UPF2: variants seen among roughly 807,000 people sequenced by gnomAD.
The protein encoded by UPF2 is UPF2 regulator of nonsense mediated mRNA decay.
In UPF2, 17 loss-of-function variants were observed where a neutral mutation model predicts 141.4. The ratio of observed to expected loss-of-function variants is 0.12; its 90% CI spans 0.08 to 0.18. UPF2 has a LOEUF of 0.18. UPF2 is among the 10% of genes least tolerant of loss of function. The pLI, the probability that UPF2 is intolerant of heterozygous loss-of-function variation, is 1.00. For synonymous variants in UPF2, 540 were observed against 498.0 expected (o/e 1.08, Z -1.12); for missense variants, 1,152 against 1,515.9 (o/e 0.76, Z 3.99).
chr10:12,011,905 T>C (rs919477478), intron 4 of UPF2, among the ~76,000 whole-genome samples: 2 of 151,054 alleles, frequency 1.3e-5, no homozygotes, highest in Non-Finnish European at 1.5e-5. Context: ...AGATCGCGCC[T>C]TTGCACTCCA....
intron 9 of UPF2, among the ~76,000 whole-genome samples, chr10:11,968,945 C>A (rs1833367179): frequency 6.6e-6 from 1 of 152,164 alleles, no homozygotes; most frequent in South Asian, 2.1e-4. Context: ...ACTGCGACCT[C>A]CACCTCCTGG....
chr10:11,968,028 A>C (rs1359684333), intron 9 of UPF2, among the ~76,000 whole-genome samples: 1 of 152,102 alleles, frequency 6.6e-6, no homozygotes, highest in Non-Finnish European at 1.5e-5. Flanking sequence ...AAAACACAAA[A>C]ATTAGCCAGG....
At chr10:11,958,092 G>A (rs1265554353) in intron 12 of UPF2, among the ~76,000 whole-genome samples, 4 of 152,170 alleles carry the variant, frequency 2.6e-5, no homozygotes, top group African/African-American at 9.7e-5. Context: ...GCTCACACCT[G>A]TAATCCCAAC....
At position 11,956,590 on chromosome 10, in the gene UPF2, A is replaced by T; in HGVS notation, c.2371-67T>A. ...ACAGTAGCCTGACCAAATAATACAG[A>T]AATTTTGCTATGATTGCGCAGAGAA... On this transcript the variant is annotated intron_variant, in intron 12 of 21. Transcript: ENST00000357604. The surrounding 1 kb of genome is among the most constrained non-coding windows in gnomAD (Gnocchi z 4.2). 1 of 1,466,832 alleles carries T rather than the reference A, an allele frequency of 6.8e-7. No homozygotes were observed. The highest frequency in any genetic ancestry group is 9.3e-7 in the Non-Finnish European group (1 of 1,073,492). 90.9% of individuals were successfully genotyped at this position (1,466,832 alleles called of 1,614,324 possible). A position where few individuals can be genotyped will look rare whatever the true frequency, so the allele number is the denominator to read the frequency against.
At position 12,019,390 on chromosome 10, in the gene UPF2, T is replaced by C. The variant is rs1221307477; in HGVS notation, c.1146-5206A>G. On this transcript the variant is annotated intron_variant, in intron 3 of 21. Transcript: ENST00000357604. This position sits in a 1 kb window ranked among gnomAD's most constrained non-coding sequence, Gnocchi z 4.5. ...TCTACTTTTGACTATTTTTCAACCA[T>C]TTAAAAAAGTAAAAACCATTCTTAG... Among the ~76,000 whole-genome samples the C allele has an allele frequency of 5.3e-5, 8 of 152,248 alleles. No individual in the cohort carries two copies. Among genetic ancestry groups the C allele is most frequent in the Non-Finnish European group, 7.3e-5 (5 of 68,052 alleles).
In UPF2 at chr10:11,921,186, C is replaced by G; in HGVS notation, c.*112G>C. On this transcript the variant is annotated 3_prime_UTR_variant, in exon 22 of 22. Transcript: ENST00000357604. The surrounding 1 kb of genome is among the most constrained non-coding windows in gnomAD (Gnocchi z 5.9). Reference sequence around the variant, plus strand: ...GCCTGTCCCAGGTTTAGATTCGCAACTCTCTAGACCGACCTGCTGAGATGT... The same window carrying G: ...GCCTGTCCCAGGTTTAGATTCGCAAGTCTCTAGACCGACCTGCTGAGATGT... 4 of 1,476,888 alleles carry G rather than the reference C, an allele frequency of 2.7e-6. No individual in the cohort carries two copies. Among genetic ancestry groups the G allele is most frequent in the Non-Finnish European group, 3.8e-6 (4 of 1,055,058 alleles). The allele number at this position is 1,476,888 out of a possible 1,614,324, so 91.5% of individuals were successfully genotyped here.
chr10:11,980,214 T>G lies in UPF2; in HGVS notation c.1845-1049A>C, dbSNP rs1176283195. ...ACACAAGCTAAAATTTATTTTCCAT[T>G]CCTGCCATAGATGTTATTTTGTAAA... On this transcript the variant is annotated intron_variant, in intron 8 of 21. Transcript: ENST00000357604. This position sits in a 1 kb window ranked among gnomAD's most constrained non-coding sequence, Gnocchi z 4.2. 6.6e-6 allele frequency among the ~76,000 whole-genome samples: 1 copy of G among 152,170 alleles called. No individual in the cohort carries two copies. Among genetic ancestry groups the G allele is most frequent in the African/African-American group, 2.4e-5 (1 of 41,430 alleles).
intron 10 of UPF2, among the ~76,000 whole-genome samples, chr10:11,966,761 T>C (rs2131205707): frequency 6.6e-6 from 1 of 152,348 alleles, no homozygotes; most frequent in South Asian, 2.1e-4. Flanking sequence ...TTGTCAAAAG[T>C]GTTACAGGTT....
intron 4 of UPF2, among the ~76,000 whole-genome samples, chr10:12,008,337 C>T (rs1834069152): frequency 6.6e-6 from 1 of 151,874 alleles, no homozygotes; most frequent in African/African-American, 2.4e-5. Context: ...TGTAAAGAAA[C>T]AGTCATTCTC....
intron 3 of UPF2, among the ~76,000 whole-genome samples, chr10:12,017,465 T>G (rs1472175680): frequency 6.6e-6 from 1 of 152,212 alleles, no homozygotes; most frequent in Non-Finnish European, 1.5e-5. Flanking sequence ...CCTGTGACTT[T>G]GCGCTGAGTC....
At chr10:11,981,300 G>T (rs546039900) in intron 8 of UPF2, among the ~76,000 whole-genome samples, 239 of 152,304 alleles carry the variant, frequency 1.6e-3, no homozygotes, top group African/African-American at 5.6e-3. Flanking sequence ...AAGCAAATTA[G>T]TTTTTACTAA....
At chr10:11,933,274 A>G (rs1310656664) in intron 19 of UPF2, among the ~76,000 whole-genome samples, 1 of 152,214 alleles carries the variant, frequency 6.6e-6, no homozygotes, top group African/African-American at 2.4e-5. Flanking sequence ...CAAAAGCCAA[A>G]TAAAGGAATA....
At chr10:11,967,264 T>G (rs1833336138) in intron 10 of UPF2, 77 bp downstream of exon 10, 1 of 842,322 alleles carries the variant, frequency 1.2e-6, no homozygotes. Flanking sequence ...AATATTAAAT[T>G]ATTTCACTTT....
rs545199485 is a variant in UPF2, at chr10:11,997,765, G to A, written c.1759-8C>T. On this transcript the variant is annotated splice_polypyrimidine_tract_variant and splice_region_variant and intron_variant, in intron 7 of 21. Coordinates refer to ENST00000357604, the MANE Select transcript of UPF2 (RefSeq NM_015542.4). ...GCAAAAATCCATTGCTGCCTATTGG[G>A]AAAAAGTAAACTTTTTCTTTAAAAA... 13 of 1,613,322 alleles carry A rather than the reference G, an allele frequency of 8.1e-6. No individual in the cohort carries two copies. In the South Asian group the frequency reaches 1.4e-4, roughly 18 times the overall value.
intron 2 of UPF2, among the ~76,000 whole-genome samples, chr10:12,030,567 T>A (rs1834501192): frequency 1.3e-5 from 2 of 150,418 alleles, no homozygotes; most frequent in African/African-American, 2.4e-5. Flanking sequence ...ATAATAATAA[T>A]TAGCACTATA....
intron 16 of UPF2, among the ~76,000 whole-genome samples, chr10:11,946,422 C>A (rs57649336): frequency 2.2e-3 from 332 of 152,194 alleles, no homozygotes; most frequent in African/African-American, 7.6e-3. Flanking sequence ...ATTAACATTC[C>A]TTTAAATATT....
chr10:11,991,376 C>A (rs1261303282), intron 8 of UPF2, among the ~76,000 whole-genome samples: 1 of 152,042 alleles, frequency 6.6e-6, no homozygotes, highest in South Asian at 2.1e-4. Flanking sequence ...TCAACATATG[C>A]ATCATTGGGG....
chr10:12,031,455 TA>T (rs1286975624), intron 2 of UPF2, among the ~76,000 whole-genome samples: 1 of 152,136 alleles, frequency 6.6e-6, no homozygotes, highest in African/African-American at 2.4e-5. Flanking sequence ...AGTAATAAAA[TA>T]GGCACGAGTG....
intron 6 of UPF2, among the ~76,000 whole-genome samples, chr10:12,001,439 A>G (rs1049914129): frequency 1.3e-5 from 2 of 152,132 alleles, no homozygotes; most frequent in Admixed American, 6.6e-5. Flanking sequence ...AATAAAAAAT[A>G]TTATTTAGAA....
Sources: gnomAD v4.1 joint callset for allele counts (sites outside exome capture counted in the v4.1 genomes callset) on GRCh38, gnomAD v4.1.1 for gene constraint, Gnocchi (gnomAD v3.1) non-coding constraint, MANE v1.5 for transcripts, NCBI Gene and HGNC (gene_info 2026-07-23, HGNC 2026-07-21) for gene names.